HSD11B1: variants seen among roughly 807,000 people sequenced by gnomAD.
HSD11B1 encodes 11-beta-hydroxysteroid dehydrogenase 1.
HSD11B1 carries 15 observed loss-of-function variants against 22.1 expected under a neutral mutation model. The observed-to-expected ratio is 0.68, with a 90% CI of 0.45 to 1.04. The LOEUF is 1.04. Ranked by LOEUF, HSD11B1 falls within the 50% of genes least tolerant of loss-of-function variation. The probability of loss-of-function intolerance (pLI) is 0.00; values close to 1 mark genes in which losing one functional copy is unlikely to be tolerated. For synonymous variants in HSD11B1, 122 were observed against 125.2 expected (o/e 0.97, Z 0.17); for missense variants, 281 against 357.6 (o/e 0.79, Z 1.73).
upstream of HSD11B1, among the ~76,000 whole-genome samples, chr1:209,701,927 A>T (rs1039869254): frequency 1.3e-5 from 2 of 152,176 alleles, no homozygotes; most frequent in African/African-American, 2.4e-5. Flanking sequence ...CAAATCAGAG[A>T]GAATTCCTGG....
chr1:209,719,603 A>G (rs1394103690), intron 4 of HSD11B1, among the ~76,000 whole-genome samples: 1 of 152,170 alleles, frequency 6.6e-6, no homozygotes, highest in Non-Finnish European at 1.5e-5. Flanking sequence ...TTCCTCTCCC[A>G]GTGTCCATGT....
intron 5 of HSD11B1, 31 bp downstream of exon 5, chr1:209,732,610 T>C: frequency 6.4e-7 from 1 of 1,569,052 alleles, no homozygotes; most frequent in Middle Eastern, 1.7e-4. Context: ...TTTTTTTTAA[T>C]TATTATACTT....
intron 1 of HSD11B1, 113 bp from the exon 2 acceptor site, chr1:209,705,698 G>C: frequency 7.7e-7 from 1 of 1,305,256 alleles, no homozygotes; most frequent in Non-Finnish European, 1.1e-6. Flanking sequence ...AACTGATCTG[G>C]GCTCATAACC....
At chr1:209,713,774 T>C (rs941855497) in intron 4 of HSD11B1, among the ~76,000 whole-genome samples, 23 of 152,246 alleles carry the variant, frequency 1.5e-4, no homozygotes, top group African/African-American at 5.1e-4. Flanking sequence ...ATTTAAGGAA[T>C]AATGACAAGA....
At chr1:209,701,942 G>T (rs1424516407), upstream of HSD11B1, among the ~76,000 whole-genome samples, 4 of 152,134 alleles carry the variant, frequency 2.6e-5, no homozygotes, top group Admixed American at 2.0e-4. Context: ...TCCTGGCTGG[G>T]CTCTAATACT....
chr1:209,691,781 T>C (rs1270421739), intron 1 of HSD11B1, among the ~76,000 whole-genome samples: 1 of 152,208 alleles, frequency 6.6e-6, no homozygotes, highest in Non-Finnish European at 1.5e-5. Flanking sequence ...AAAAAGGGAA[T>C]GGGTGTTTGT....
At chr1:209,694,816 T>G (rs2076781037) in intron 1 of HSD11B1, among the ~76,000 whole-genome samples, 1 of 152,232 alleles carries the variant, frequency 6.6e-6, no homozygotes, top group African/African-American at 2.4e-5. Context: ...TACCAAATAT[T>G]TCACAAGCTT....
chr1:209,731,110 G>T (rs1198764200), intron 4 of HSD11B1, among the ~76,000 whole-genome samples: 1 of 152,242 alleles, frequency 6.6e-6, no homozygotes, highest in East Asian at 1.9e-4. Context: ...ATGCAAAGGG[G>T]TTATGCTGGA....
chr1:209,696,483 A>G (rs1370065923), intron 1 of HSD11B1, among the ~76,000 whole-genome samples: 1 of 152,186 alleles, frequency 6.6e-6, no homozygotes, highest in South Asian at 2.1e-4. Context: ...CTTAGGAGAA[A>G]TTGCTGCACA....
At chr1:209,690,041 A>C (rs2076750010) in intron 1 of HSD11B1, among the ~76,000 whole-genome samples, 1 of 152,232 alleles carries the variant, frequency 6.6e-6, no homozygotes, top group African/African-American at 2.4e-5. Flanking sequence ...TTCCTTCTCC[A>C]GCAGTGTCTC....
chr1:209,729,825 A>G (rs1341526367), intron 4 of HSD11B1, among the ~76,000 whole-genome samples: 1 of 152,258 alleles, frequency 6.6e-6, no homozygotes, highest in Non-Finnish European at 1.5e-5. Context: ...ATGGTTCAAC[A>G]TAAGCAAATC....
intron 4 of HSD11B1, among the ~76,000 whole-genome samples, chr1:209,711,019 A>G (rs145861970): frequency 1.8e-3 from 269 of 152,310 alleles, no homozygotes; most frequent in African/African-American, 6.0e-3. Flanking sequence ...GCAAACATTC[A>G]TAAGACAGTG....
At chr1:209,698,754 A>G (rs952072844) in intron 1 of HSD11B1, among the ~76,000 whole-genome samples, 4 of 152,256 alleles carry the variant, frequency 2.6e-5, no homozygotes, top group African/African-American at 9.6e-5. Context: ...TAAAAACAAC[A>G]GAATTTTTTT....
At chr1:209,695,223 C>A (rs892174753) in intron 1 of HSD11B1, among the ~76,000 whole-genome samples, 1 of 152,188 alleles carries the variant, frequency 6.6e-6, no homozygotes, top group East Asian at 1.9e-4. Flanking sequence ...GTCAATTAAA[C>A]TTCTTTTTTT....
chr1:209,689,712 T>C (rs568780368), intron 1 of HSD11B1, among the ~76,000 whole-genome samples: 101 of 152,242 alleles, frequency 6.6e-4, no homozygotes, highest in African/African-American at 2.3e-3. Flanking sequence ...CTGCCATGAG[T>C]GGAAGCAGTC....
Position 209,732,566 on chromosome 1 carries a change from C to A in HSD11B1, c.648C>A (p.Gly216=), listed in dbSNP as rs1334126199. The stretch of plus-strand genomic sequence containing the variant: ...TATCAATCACTCTCTGTGTTCTTGG[C>A]CTCATAGACACAGGTAAGGTCAATA... ...VNVSITLCVL[G]LIDTETAMKA... is the part of the protein sequence containing the mutation. Residue 216 remains glycine, a synonymous_variant, in exon 5 of 6, where the codon GGC becomes GGA. Coordinates refer to ENST00000367027, the MANE Select transcript of HSD11B1 (RefSeq NM_005525.4). 5 of 1,612,964 alleles carry A rather than the reference C, an allele frequency of 3.1e-6. No individual in the cohort carries two copies. Among genetic ancestry groups the A allele is most frequent in the Non-Finnish European group, 4.2e-6 (5 of 1,179,178 alleles).
At chr1:209,703,610 C>T (rs937465603), upstream of HSD11B1, among the ~76,000 whole-genome samples, 2 of 152,110 alleles carry the variant, frequency 1.3e-5, no homozygotes, top group Non-Finnish European at 2.9e-5. Flanking sequence ...AAATTATTTT[C>T]TCTTACTCTA....
rs1401433221 is a variant in HSD11B1 at position 209,706,584 on chromosome 1, T to A, written c.220-125T>A. ...ATATTAGGCAACACACACACAAACA[T>A]ACTTACCATTTCTTACCTAAACAGG... On this transcript the variant is annotated intron_variant, in intron 2 of 5. Transcript: ENST00000367027. This position sits in a 1 kb window ranked among gnomAD's most constrained non-coding sequence, Gnocchi z 4.0. 2 of 771,784 alleles carry A rather than the reference T, an allele frequency of 2.6e-6. No individual in the cohort carries two copies. The highest frequency in any genetic ancestry group is 4.9e-5 in the East Asian group (2 of 40,804). 47.8% of individuals were successfully genotyped at this position (771,784 alleles called of 1,614,324 possible). A position where few individuals can be genotyped will look rare whatever the true frequency, so the allele number is the denominator to read the frequency against.
intron 4 of HSD11B1, among the ~76,000 whole-genome samples, chr1:209,715,942 G>T (rs868060031): frequency 1.3e-5 from 2 of 152,212 alleles, no homozygotes; most frequent in African/African-American, 4.8e-5. Context: ...ATTCAAAAAT[G>T]GGCAAAGGAT....
Sources: gnomAD v4.1 joint callset for allele counts (sites outside exome capture counted in the v4.1 genomes callset) on GRCh38, gnomAD v4.1.1 for gene constraint, Gnocchi (gnomAD v3.1) non-coding constraint, MANE v1.5 for transcripts, NCBI Gene and HGNC (gene_info 2026-07-23, HGNC 2026-07-21) for gene names.